The following PRIMA1 variants were observed in gnomAD, a reference collection of about 807,000 sequenced individuals.
PRIMA1 encodes the protein proline-rich membrane anchor 1.
Under a neutral mutation model 17.5 loss-of-function variants are expected in PRIMA1, and 7 were observed. The observed-to-expected ratio is 0.40, with a 90% CI of 0.23 to 0.75. The LOEUF is 0.75. Among genes scored for constraint, PRIMA1 ranks in the 30% least tolerant of loss-of-function variants. The pLI, the probability that PRIMA1 is intolerant of heterozygous loss-of-function variation, is 0.37. For synonymous variants in PRIMA1, 97 were observed against 77.9 expected (o/e 1.25, Z -1.29); for missense variants, 200 against 201.8 (o/e 0.99, Z 0.05).
Position 93,765,868 on chromosome 14 carries a change from G to A in PRIMA1, c.229+13308C>T, listed in dbSNP as rs1364478993. On this transcript the variant is annotated intron_variant, in intron 3 of 4. Transcript: ENST00000393140. The stretch of plus-strand genomic sequence containing the variant: ...CATCCCTGCAGCCCCCTAAAGGCCA[G>A]CTGAAAGTTCTCTTCCCCAGAAATT... 3.9e-5 allele frequency among the ~76,000 whole-genome samples: 6 copies of A among 152,290 alleles called. No homozygotes were observed. In the South Asian group the frequency reaches 1.2e-3, roughly 32 times the overall value.
At chr14:93,760,935 C>A (rs886651903) in intron 3 of PRIMA1, among the ~76,000 whole-genome samples, 1 of 152,200 alleles carries the variant, frequency 6.6e-6, no homozygotes, top group African/African-American at 2.4e-5. Flanking sequence ...CCTCTTACTA[C>A]CCCCACCCCA....
At position 93,787,865 on chromosome 14, in the gene PRIMA1, C is replaced by T. The variant is rs558269401; in HGVS notation, c.-31-116G>A. 5.7e-6 allele frequency: 7 copies of T among 1,237,430 alleles called. No individual in the cohort carries two copies. The East Asian group carries it at 1.5e-4, about 27-fold the overall frequency. The allele number at this position is 1,237,430 out of a possible 1,614,324, so 76.7% of individuals were successfully genotyped here. A position where few individuals can be genotyped will look rare whatever the true frequency, so the allele number is the denominator to read the frequency against. On this transcript the variant is annotated intron_variant, in intron 1 of 4. Coordinates refer to ENST00000393140, the MANE Select transcript of PRIMA1 (RefSeq NM_178013.4). ...GGCACGCCCCGCACCCAGGGGCACC[C>T]TAGTAAACCAAGCCTGCACTTACAC...
intron 3 of PRIMA1, among the ~76,000 whole-genome samples, chr14:93,740,292 C>A (rs2076176848): frequency 6.6e-6 from 1 of 152,178 alleles, no homozygotes; most frequent in Non-Finnish European, 1.5e-5. Flanking sequence ...TTGTTCAAGG[C>A]TTTCTTGGTG....
At chr14:93,734,538 C>A (rs1277052921) in intron 4 of PRIMA1, among the ~76,000 whole-genome samples, 4 of 152,218 alleles carry the variant, frequency 2.6e-5, no homozygotes, top group Admixed American at 2.6e-4. Context: ...CTAACCGCCC[C>A]CACTCTGCAA....
intron 4 of PRIMA1, among the ~76,000 whole-genome samples, chr14:93,733,762 T>C (rs926523326): frequency 2.6e-5 from 4 of 152,232 alleles, no homozygotes; most frequent in African/African-American, 9.6e-5. Context: ...AGAAAAGGCA[T>C]GTTTTAGATG....
At chr14:93,764,635 TG>T (rs1186955390) in intron 3 of PRIMA1, among the ~76,000 whole-genome samples, 1 of 152,244 alleles carries the variant, frequency 6.6e-6, no homozygotes, top group East Asian at 1.9e-4. Context: ...AGTGATTTAC[TG>T]CTCCTTAAAT....
intron 4 of PRIMA1, chr14:93,725,840 C>T (rs915369722): frequency 9.5e-6 from 4 of 422,834 alleles, no homozygotes; most frequent in Middle Eastern, 3.5e-4. Flanking sequence ...TCCTACCTAA[C>T]GCGTGCCCCG....
chr14:93,756,040 C>T (rs1288211421), intron 3 of PRIMA1, among the ~76,000 whole-genome samples: 1 of 152,134 alleles, frequency 6.6e-6, no homozygotes, highest in African/African-American at 2.4e-5. Context: ...GTTGAGAGCC[C>T]TGTGAGATGC....
intron 3 of PRIMA1, among the ~76,000 whole-genome samples, chr14:93,740,813 G>T (rs1299885592): frequency 6.6e-6 from 1 of 152,214 alleles, no homozygotes; most frequent in South Asian, 2.1e-4. Flanking sequence ...AGGCAGAATT[G>T]TCCCTTGAAA....
chr14:93,727,405 T>G (rs1337547648), intron 4 of PRIMA1, among the ~76,000 whole-genome samples: 1 of 152,124 alleles, frequency 6.6e-6, no homozygotes, highest in Non-Finnish European at 1.5e-5. Context: ...GATTGCGGGC[T>G]CATGCACAGA....
chr14:93,788,550 G>C (rs1595232642), upstream of PRIMA1: 1 of 152,408 alleles, frequency 6.6e-6, no homozygotes, highest in African/African-American at 2.4e-5. Flanking sequence ...CTCTAGGCGG[G>C]GCCTCCGTCC....
chr14:93,725,190 T>C (rs962204783), intron 4 of PRIMA1, among the ~76,000 whole-genome samples: 1 of 149,498 alleles, frequency 6.7e-6, no homozygotes, highest in South Asian at 2.1e-4. Flanking sequence ...TGGCAGAGGC[T>C]CGGCACCTGT....
At chr14:93,748,401 G>A (rs2076239872) in intron 3 of PRIMA1, among the ~76,000 whole-genome samples, 1 of 152,210 alleles carries the variant, frequency 6.6e-6, no homozygotes, top group African/African-American at 2.4e-5. Flanking sequence ...GACGCTTTGG[G>A]GGACTGGAGG....
At chr14:93,781,235 G>C (rs1274406250) in intron 2 of PRIMA1, among the ~76,000 whole-genome samples, 1 of 152,220 alleles carries the variant, frequency 6.6e-6, no homozygotes, top group Non-Finnish European at 1.5e-5. Flanking sequence ...CCGTCTGATG[G>C]TGGCCTCTGC....
intron 3 of PRIMA1, among the ~76,000 whole-genome samples, chr14:93,738,410 G>A (rs2076164808): frequency 6.6e-6 from 1 of 152,178 alleles, no homozygotes; most frequent in Non-Finnish European, 1.5e-5. Flanking sequence ...AAGGAAGTGA[G>A]AGGGAAAAGA....
intron 3 of PRIMA1, among the ~76,000 whole-genome samples, chr14:93,752,139 C>T (rs1220600814): frequency 6.6e-6 from 1 of 152,180 alleles, no homozygotes; most frequent in Non-Finnish European, 1.5e-5. Context: ...TGGAGACAGC[C>T]ACCCGGATCC....
chr14:93,741,450 AT>A (rs1277953240), intron 3 of PRIMA1, among the ~76,000 whole-genome samples: 1 of 152,176 alleles, frequency 6.6e-6, no homozygotes, highest in African/African-American at 2.4e-5. Flanking sequence ...GATGGTTCAT[AT>A]TTGAGAAGAT....
chr14:93,760,297 C>T (rs1426031120), intron 3 of PRIMA1, among the ~76,000 whole-genome samples: 1 of 152,192 alleles, frequency 6.6e-6, no homozygotes, highest in Non-Finnish European at 1.5e-5. Flanking sequence ...ACCTTTAGAT[C>T]TTCCAGAATC....
intron 3 of PRIMA1, among the ~76,000 whole-genome samples, chr14:93,775,871 C>T (rs117765008): frequency 0.014 from 2,092 of 152,328 alleles, 18 homozygotes; most frequent in Non-Finnish European, 0.02. Flanking sequence ...GAGCCTCTAT[C>T]CACACATCCC....
Sources: allele counts gnomAD v4.1 joint callset (sites outside exome capture counted in the v4.1 genomes callset), GRCh38; gene constraint gnomAD v4.1.1; transcripts MANE v1.5; gene names NCBI Gene and HGNC (gene_info 2026-07-23, HGNC 2026-07-21).